GSAP: variants seen among roughly 807,000 people sequenced by gnomAD.
GSAP encodes gamma-secretase-activating protein.
A neutral mutation model predicts 131.7 loss-of-function variants in GSAP; 118 were observed. That is an observed-to-expected ratio of 0.90 (90% CI 0.77 to 1.04). GSAP has a LOEUF of 1.04. GSAP is among the 50% of genes least tolerant of loss of function. GSAP has a pLI of 0.00. For synonymous variants in GSAP, 381 were observed against 363.4 expected (o/e 1.05, Z -0.55); for missense variants, 1,019 against 1,013.2 (o/e 1.01, Z -0.08).
intron 12 of GSAP, among the ~76,000 whole-genome samples, chr7:77,366,872 T>C (rs1179957456): frequency 6.6e-6 from 1 of 152,198 alleles, no homozygotes; most frequent in Admixed American, 6.5e-5. Context: ...GTTTTTCCAT[T>C]TCTTTGTAAC....
chr7:77,340,274 T>G (rs890564498), intron 19 of GSAP, among the ~76,000 whole-genome samples: 4 of 152,156 alleles, frequency 2.6e-5, no homozygotes, highest in African/African-American at 9.7e-5. Context: ...TCGCTGACTC[T>G]TTTTGGACTC....
Position 77,355,345 on chromosome 7 carries a change from C to A in GSAP, c.1206G>T (p.Lys402Asn). Residue 402 changes from lysine (K) to asparagine (N), a missense_variant, in exon 16 of 31, where the codon AAG becomes AAT. Transcript: ENST00000257626. ...GSLVLDCCSG[K>N]LYRALLSQSS... The stretch of plus-strand genomic sequence containing the variant: ...ACTGGCTGAGCAGTGCTCTATAGAG[C>A]TTTCCAGAACAACAATCCAATACCA... 6.2e-7 allele frequency: 1 copy of A among 1,613,028 alleles called. No homozygotes were observed. Among genetic ancestry groups the A allele is most frequent in the East Asian group, 2.2e-5 (1 of 44,844 alleles).
intron 5 of GSAP, among the ~76,000 whole-genome samples, chr7:77,389,499 G>C (rs1312693438): frequency 8.6e-6 from 1 of 116,748 alleles, no homozygotes; most frequent in Non-Finnish European, 1.6e-5. Context: ...TGTTCTCATT[G>C]TTCGATTCCC....
chr7:77,397,301 G>A (rs756334146), intron 4 of GSAP, 45 bp downstream of exon 4: 1 of 1,107,580 alleles, frequency 9.0e-7, no homozygotes, highest in East Asian at 2.4e-5. Context: ...ACTCTTGAAA[G>A]ATGTAGTTCA....
intron 1 of GSAP, among the ~76,000 whole-genome samples, chr7:77,411,415 G>A (rs1191671903): frequency 6.6e-6 from 1 of 152,136 alleles, no homozygotes; most frequent in African/African-American, 2.4e-5. Context: ...ATCCCAACAA[G>A]GGATTAAGCA....
chr7:77,402,555 ACTGCACTCCAG>A lies in GSAP; in HGVS notation c.243+1993_243+2003del, dbSNP rs1462119381. ...GGTTGCAGTGAGCTGAGATGGCGCC[ACTGCACTCCAG>A]CCTGGCAATAGAGTGAGACTCTGTC... On this transcript the variant is annotated intron_variant, in intron 3 of 30. Transcript: ENST00000257626. Among the ~76,000 whole-genome samples the A allele has an allele frequency of 6.1e-5, 8 of 132,178 alleles. No homozygotes were observed. In the Admixed American group the frequency reaches 6.7e-4, roughly 11 times the overall value. 86.7% of individuals were successfully genotyped at this position (132,178 alleles called of 152,430 possible).
At chr7:77,329,812 T>A (rs376248213) in intron 20 of GSAP, 9 of 161,814 alleles carry the variant, frequency 5.6e-5, no homozygotes, top group African/African-American at 1.2e-4. Flanking sequence ...AATCAACACA[T>A]AGAAGTCTTC....
rs1442412355 is a variant in GSAP, at chr7:77,374,920, G to A, written c.785+138C>T. On this transcript the variant is annotated intron_variant, in intron 11 of 30. Transcript: ENST00000257626. ...TGATAAAGTTGTTTATATTTGCTATGGAGAATGGGAATACAAAAAAAGATG... is the reference window on the plus strand; with the variant it reads ...TGATAAAGTTGTTTATATTTGCTATAGAGAATGGGAATACAAAAAAAGATG... 9.9e-6 allele frequency: 5 copies of A among 504,678 alleles called. No homozygotes were observed. In the East Asian group the frequency reaches 1.3e-4, roughly 14 times the overall value. The allele number at this position is 504,678 out of a possible 1,614,324, so 31.3% of individuals were successfully genotyped here.
intron 5 of GSAP, among the ~76,000 whole-genome samples, chr7:77,393,497 CA>C (rs1028815798): frequency 1.3e-5 from 2 of 151,998 alleles, no homozygotes; most frequent in African/African-American, 4.8e-5. Flanking sequence ...TCAAACTGAG[CA>C]AGTCCAAAAT....
At position 77,387,410 on chromosome 7, in the gene GSAP, C is replaced by T. The variant is rs1468570533; in HGVS notation, c.406G>A (p.Val136Ile). The T allele has an allele frequency of 1.2e-6, 2 of 1,606,070 alleles. No homozygotes were observed. The highest frequency in any genetic ancestry group is 1.3e-5 in the African/African-American group (1 of 74,752). ...GCCTTTAGAACCTTCACATTGTTAA[C>T]AGGGTGGATTTCAACCAACAAAGTC... is the stretch of plus-strand genomic sequence containing the variant. ...CLTLLVEIHPVNNVKVLKAVD... is the reference protein window; with the variant it reads ...CLTLLVEIHPINNVKVLKAVD... Residue 136 changes from valine to isoleucine, a missense_variant, in exon 6 of 31, where the codon GTT becomes ATT. Transcript: ENST00000257626.
Position 77,324,756 on chromosome 7 carries a change from G to GT in GSAP, c.1828-1015dup, listed in dbSNP as rs936037394. Among the ~76,000 whole-genome samples the GT allele has an allele frequency of 5.3e-3, 739 of 138,716 alleles. 6 individuals carry two copies. The highest frequency in any genetic ancestry group is 0.015 in the African/African-American group (544 of 37,474). 91.0% of individuals were successfully genotyped at this position (138,716 alleles called of 152,430 possible). On this transcript the variant is annotated intron_variant, in intron 23 of 30. Coordinates refer to ENST00000257626, the MANE Select transcript of GSAP (RefSeq NM_017439.4). Reference sequence around the variant, plus strand: ...TCCTACCACCCATATTAACAATTGCGTTTTTTTTTTCCTGGCGTGCACACC... The same window carrying GT: ...TCCTACCACCCATATTAACAATTGCGTTTTTTTTTTTCCTGGCGTGCACACC...
intron 19 of GSAP, among the ~76,000 whole-genome samples, chr7:77,333,983 G>C (rs1198782660): frequency 6.6e-6 from 1 of 152,166 alleles, no homozygotes; most frequent in African/African-American, 2.4e-5. Flanking sequence ...ATGTAAACTA[G>C]TTCAACCATT....
chr7:77,392,971 G>C (rs780656576), intron 5 of GSAP, among the ~76,000 whole-genome samples: 4 of 152,032 alleles, frequency 2.6e-5, no homozygotes, highest in Non-Finnish European at 4.4e-5. Context: ...AGGATGAAGG[G>C]GACAGCCAGA....
intron 1 of GSAP, among the ~76,000 whole-genome samples, chr7:77,409,624 T>C (rs1407389726): frequency 6.6e-6 from 1 of 152,178 alleles, no homozygotes; most frequent in Non-Finnish European, 1.5e-5. Context: ...GTTCATCCTG[T>C]ACACGACTCA....
chr7:77,387,280 A>G, intron 6 of GSAP, 80 bp downstream of exon 6: 1 of 763,876 alleles, frequency 1.3e-6, no homozygotes. Flanking sequence ...ATAGAGTGAA[A>G]GTACTTTGTA....
intron 10 of GSAP, 65 bp from the exon 11 acceptor site, chr7:77,375,166 G>A (rs1264086384): frequency 2.2e-6 from 2 of 902,108 alleles, no homozygotes; most frequent in Admixed American, 2.2e-5. Flanking sequence ...CTGAAAACCA[G>A]AGCAAGCCCA....
intron 10 of GSAP, among the ~76,000 whole-genome samples, chr7:77,375,863 C>CA (rs375259005): frequency 2.0e-5 from 3 of 148,420 alleles, no homozygotes; most frequent in South Asian, 2.2e-4. Flanking sequence ...AAAAAACAAA[C>CA]AAAAAAACAA....
intron 27 of GSAP, among the ~76,000 whole-genome samples, chr7:77,314,084 G>A (rs985591458): frequency 2.0e-5 from 3 of 152,228 alleles, no homozygotes; most frequent in Non-Finnish European, 4.4e-5. Flanking sequence ...AGGACCTCGT[G>A]AAGGGCTCAG....
intron 19 of GSAP, among the ~76,000 whole-genome samples, chr7:77,348,968 G>A (rs886421422): frequency 2.0e-5 from 3 of 152,188 alleles, no homozygotes; most frequent in Non-Finnish European, 4.4e-5. Context: ...GTGCACGTGC[G>A]CAAGCTCATT....
Sources: gnomAD v4.1 joint callset for allele counts (sites outside exome capture counted in the v4.1 genomes callset) on GRCh38, gnomAD v4.1.1 for gene constraint, MANE v1.5 for transcripts, NCBI Gene and HGNC (gene_info 2026-07-23, HGNC 2026-07-21) for gene names.